Variants in GAREM1 observed in about 807,000 individuals in gnomAD.
GAREM1 encodes GRB2-associated and regulator of MAPK protein 1.
Under a neutral mutation model 71.3 loss-of-function variants are expected in GAREM1, and 26 were observed. The observed-to-expected ratio is 0.36, with a 90% CI of 0.27 to 0.51. GAREM1 has a LOEUF of 0.51. Among genes scored for constraint, GAREM1 ranks in the 20% least tolerant of loss-of-function variants. The probability of loss-of-function intolerance (pLI) is 0.95; values close to 1 mark genes in which losing one functional copy is unlikely to be tolerated. For missense variants in GAREM1, 1,026 were observed against 1,103.1 expected, an observed-to-expected ratio of 0.93 and a Z score of 0.99; for synonymous variants, 440 against 433.2, an observed-to-expected ratio of 1.02 and a Z score of -0.20.
chr18:32,293,951 T>C (rs183582339), intron 3 of GAREM1, among the ~76,000 whole-genome samples: 120 of 152,308 alleles, frequency 7.9e-4, no homozygotes, highest in Admixed American at 4.8e-3. Flanking sequence ...ATACCTGGTG[T>C]GTATTCTTAA....
chr18:32,354,649 G>A (rs1039364686), intron 2 of GAREM1, among the ~76,000 whole-genome samples: 46 of 152,328 alleles, frequency 3.0e-4, no homozygotes, highest in African/African-American at 1.1e-3. Context: ...AGACGGCAGA[G>A]ACAGTGGGGT....
At chr18:32,442,875 A>G (rs1324480067) in intron 1 of GAREM1, among the ~76,000 whole-genome samples, 1 of 152,202 alleles carries the variant, frequency 6.6e-6, no homozygotes, top group Non-Finnish European at 1.5e-5. Flanking sequence ...CACTACACTG[A>G]CTTGTATTTG....
intron 1 of GAREM1, among the ~76,000 whole-genome samples, chr18:32,439,289 G>A (rs1441153432): frequency 1.3e-5 from 2 of 152,112 alleles, no homozygotes; most frequent in African/African-American, 2.4e-5. Context: ...AGAAAGAAGA[G>A]TTCTTTTTCA....
At chr18:32,380,931 A>T (rs1176874920) in intron 2 of GAREM1, among the ~76,000 whole-genome samples, 2 of 152,084 alleles carry the variant, frequency 1.3e-5, no homozygotes, top group South Asian at 4.1e-4. Context: ...TCTCCCACAC[A>T]GATGAATTTG....
chr18:32,422,570 T>C (rs1021478956), intron 1 of GAREM1, among the ~76,000 whole-genome samples: 1 of 152,194 alleles, frequency 6.6e-6, no homozygotes, highest in Non-Finnish European at 1.5e-5. Flanking sequence ...GCTGTCATTT[T>C]CCATTCTCCA....
chr18:32,353,992 T>C, intron 2 of GAREM1, among the ~76,000 whole-genome samples: 1 of 152,170 alleles, frequency 6.6e-6, no homozygotes, highest in East Asian at 1.9e-4. Context: ...GCCCTATTGG[T>C]ATATGTTAAG....
intron 1 of GAREM1, among the ~76,000 whole-genome samples, chr18:32,450,430 A>C (rs1267718380): frequency 6.6e-6 from 1 of 152,238 alleles, no homozygotes; most frequent in Admixed American, 6.5e-5. Flanking sequence ...TGCTAAAAAA[A>C]AAACTGTTTA....
intron 1 of GAREM1, among the ~76,000 whole-genome samples, chr18:32,411,778 A>G (rs1193490422): frequency 1.3e-5 from 2 of 152,134 alleles, no homozygotes; most frequent in Non-Finnish European, 2.9e-5. Flanking sequence ...ATAAATTCCA[A>G]ATAGAACCTG....
intron 2 of GAREM1, among the ~76,000 whole-genome samples, chr18:32,377,642 C>A (rs1363335557): frequency 6.6e-6 from 1 of 152,216 alleles, no homozygotes; most frequent in Non-Finnish European, 1.5e-5. Flanking sequence ...CAGCTCATTG[C>A]AACCTCTGCC....
intron 2 of GAREM1, among the ~76,000 whole-genome samples, chr18:32,383,493 G>A (rs17811420): frequency 0.035 from 5,395 of 152,156 alleles, 143 homozygotes; most frequent in East Asian, 0.11. Context: ...AAAGCTCAAA[G>A]AAATTCCTAA....
intron 2 of GAREM1, among the ~76,000 whole-genome samples, chr18:32,329,503 C>G (rs878994243): frequency 2.6e-4 from 39 of 151,718 alleles, no homozygotes; most frequent in African/African-American, 9.0e-4. Flanking sequence ...GTCAGGAGTT[C>G]AAGACCAGCC....
intron 2 of GAREM1, among the ~76,000 whole-genome samples, chr18:32,366,862 A>C (rs2047932923): frequency 6.6e-6 from 1 of 152,238 alleles, no homozygotes; most frequent in Non-Finnish European, 1.5e-5. Flanking sequence ...TTGGGTCCTC[A>C]GTAATACAGC....
At chr18:32,445,439 C>T (rs2048777056) in intron 1 of GAREM1, among the ~76,000 whole-genome samples, 1 of 151,950 alleles carries the variant, frequency 6.6e-6, no homozygotes, top group Non-Finnish European at 1.5e-5. Context: ...AAATGCTTAC[C>T]AGCAGTCTGC....
At chr18:32,382,653 GA>G (rs1286372506) in intron 2 of GAREM1, among the ~76,000 whole-genome samples, 2 of 152,052 alleles carry the variant, frequency 1.3e-5, no homozygotes, top group African/African-American at 4.8e-5. Context: ...AGCTGTACTT[GA>G]AAAAAATAAT....
chr18:32,362,631 T>C (rs2047876725), intron 2 of GAREM1, among the ~76,000 whole-genome samples: 1 of 152,200 alleles, frequency 6.6e-6, no homozygotes, highest in African/African-American at 2.4e-5. Flanking sequence ...AGCTGGTGTT[T>C]ACTGGGATAA....
At chr18:32,358,158 A>C (rs2047824099) in intron 2 of GAREM1, among the ~76,000 whole-genome samples, 1 of 112,416 alleles carries the variant, frequency 8.9e-6, no homozygotes, top group Non-Finnish European at 1.7e-5. Flanking sequence ...ATGACATCCC[A>C]CCCCACACGG....
chr18:32,301,550 G>A (rs906550501), intron 3 of GAREM1, among the ~76,000 whole-genome samples: 4 of 152,124 alleles, frequency 2.6e-5, no homozygotes, highest in African/African-American at 4.8e-5. Context: ...TTCAACTTTT[G>A]GACTTTCAGA....
intron 1 of GAREM1, among the ~76,000 whole-genome samples, chr18:32,405,508 A>T (rs2048356505): frequency 6.6e-6 from 1 of 152,108 alleles, no homozygotes; most frequent in Non-Finnish European, 1.5e-5. Context: ...TTCTCTTACA[A>T]TTTAAACTTT....
intron 2 of GAREM1, among the ~76,000 whole-genome samples, chr18:32,353,324 CCTA>C (rs1219998340): frequency 6.6e-6 from 1 of 152,176 alleles, no homozygotes; most frequent in Non-Finnish European, 1.5e-5. Flanking sequence ...AGTTCTCGAT[CCTA>C]CTTTTATTTC....
Sources: gnomAD v4.1 joint callset for allele counts (sites outside exome capture counted in the v4.1 genomes callset) on GRCh38, gnomAD v4.1.1 for gene constraint, MANE v1.5 for transcripts, NCBI Gene and HGNC (gene_info 2026-07-23, HGNC 2026-07-21) for gene names.